Variants in RP1 observed in about 807,000 individuals in gnomAD.
RP1 encodes the protein oxygen-regulated protein 1.
In RP1, 16 loss-of-function variants were observed where a neutral mutation model predicts 14.8. The observed-to-expected ratio is 1.08, with a 90% confidence interval of 0.73 to 1.65. The LOEUF is 1.65. Ranked by LOEUF, RP1 falls within the 40% of genes most tolerant of loss-of-function variation. The probability of loss-of-function intolerance (pLI) is 0.00; values close to 1 mark genes in which losing one functional copy is unlikely to be tolerated. For missense variants in RP1, 2,631 were observed against 2,535.0 expected, an observed-to-expected ratio of 1.04 and a Z score of -0.81; for synonymous variants, 876 against 883.6, an observed-to-expected ratio of 0.99 and a Z score of 0.15.
In RP1 at chr8:54,627,944, T is replaced by C. The variant is rs768149034; in HGVS notation, c.4062T>C (p.Asp1354=). ...FLNSKENTYT[D]NLDSTEELER... is the part of the protein sequence containing the mutation. ...ACTCCAAAGAAAACACATATACTGA[T>C]AACTTGGATTCAACTGAAGAGTTAG... is the stretch of plus-strand genomic sequence containing the variant. The change falls in exon 4 of 4, where the codon GAT becomes GAC. Residue 1354 remains aspartate (D), a synonymous_variant. Coordinates refer to ENST00000220676, the MANE Select transcript of RP1 (RefSeq NM_006269.2). 2.2e-5 allele frequency: 36 copies of C among 1,614,084 alleles called. No individual in the cohort carries two copies. Among genetic ancestry groups the C allele is most frequent in the Non-Finnish European group, 3.1e-5 (36 of 1,179,972 alleles).
intron 24 of RP1, among the ~76,000 whole-genome samples, chr8:54,834,786 C>T (rs1338269462): frequency 6.6e-6 from 1 of 151,688 alleles, no homozygotes; most frequent in Non-Finnish European, 1.5e-5. Context: ...CATTCCTGCC[C>T]TGAGTTGAAA....
rs554528145 is a variant in RP1 at position 54,754,246 on chromosome 8, T to C, written c.2809-557T>C. Among the ~76,000 whole-genome samples the C allele has an allele frequency of 3.3e-5, 5 of 152,214 alleles. No individual in the cohort carries two copies. In the East Asian group the frequency reaches 9.7e-4, roughly 29 times the overall value. ...AGCCTACAGATGTTATAAATACACT[T>C]AAAAGGCATTCACTTTTTTTTTCAA... On this transcript the variant is annotated intron_variant, in intron 19 of 22. Coordinates refer to the RP1 transcript ENST00000636932.
chr8:54,751,817 T>C (rs1431326374), intron 19 of RP1, among the ~76,000 whole-genome samples: 1 of 152,252 alleles, frequency 6.6e-6, no homozygotes, highest in Non-Finnish European at 1.5e-5. Flanking sequence ...ACCTAGATTC[T>C]TTGTTTTTCT....
intron 1 of RP1, among the ~76,000 whole-genome samples, chr8:54,573,901 AC>A (rs1450838777): frequency 1.3e-5 from 2 of 152,196 alleles, no homozygotes; most frequent in African/African-American, 4.8e-5. Flanking sequence ...TTAATACTAA[AC>A]TCAGGAATCA....
Position 54,621,569 on chromosome 8 carries a change from G to A in RP1, c.603G>A (p.Thr201=). Residue 201 remains threonine (T), a synonymous_variant, in exon 2 of 4, where the codon ACG becomes ACA. Coordinates refer to ENST00000220676, the MANE Select transcript of RP1 (RefSeq NM_006269.2). The part of the protein sequence containing the change: ...MQRPVVKLYA[T]DGRRVPSLQA... ...GCCCTGTGGTCAAGCTGTACGCTAC[G>A]GACGGAAGGAGGGTGAGCGTTCTGG... 6.2e-7 allele frequency: 1 copy of A among 1,614,120 alleles called. No individual in the cohort carries two copies. Among genetic ancestry groups the A allele is most frequent in the Non-Finnish European group, 8.5e-7 (1 of 1,180,018 alleles).
chr8:54,701,407 G>C lies in RP1; in HGVS notation c.1822-79G>C, dbSNP rs374796754. On this transcript the variant is annotated intron_variant, in intron 13 of 22. Coordinates refer to the RP1 transcript ENST00000636932. ...TTTCCATAAAATGAAGTAGACACCT[G>C]TATATGTATATAATGTGATTACATT... is the stretch of plus-strand genomic sequence containing the variant. 1,087 of 1,227,132 alleles carry C rather than the reference G, an allele frequency of 8.9e-4. 5 individuals are homozygous for C. The African/African-American group carries it at 0.015, about 17-fold the overall frequency. The allele number at this position is 1,227,132 out of a possible 1,614,324, so 76.0% of individuals were successfully genotyped here. A position where few individuals can be genotyped will look rare whatever the true frequency, so the allele number is the denominator to read the frequency against.
rs561571603 is a variant in RP1 at position 54,764,529 on chromosome 8, A to G, written c.3249-5212A>G. On this transcript the variant is annotated intron_variant, in intron 22 of 22. Transcript: ENST00000636932. The stretch of plus-strand genomic sequence containing the variant: ...TTCACAAGGCGTGTGACATTAACTC[A>G]GCACTTACTACATTAAGTTATATGT... Among the ~76,000 whole-genome samples the G allele has an allele frequency of 2.0e-5, 3 of 152,348 alleles. No homozygotes were observed. The South Asian group carries it at 6.2e-4, about 32-fold the overall frequency.
At chr8:54,567,649 T>C (rs1804436681) in intron 1 of RP1, among the ~76,000 whole-genome samples, 2 of 152,148 alleles carry the variant, frequency 1.3e-5, no homozygotes, top group African/African-American at 4.8e-5. Flanking sequence ...AAATCACCCT[T>C]CTTTTGTGTG....
At chr8:54,718,417 A>G (rs903004636) in intron 15 of RP1, among the ~76,000 whole-genome samples, 3 of 152,194 alleles carry the variant, frequency 2.0e-5, no homozygotes, top group African/African-American at 7.2e-5. Context: ...ACCCACACAA[A>G]TACAGTGAAG....
At chr8:54,620,430 T>C (rs577091032) in intron 1 of RP1, among the ~76,000 whole-genome samples, 2 of 152,354 alleles carry the variant, frequency 1.3e-5, no homozygotes, top group East Asian at 1.9e-4. Context: ...GGGTGTGTAG[T>C]AGGCTATATC....
At chr8:54,855,222 G>A (rs1016858837) in intron 26 of RP1, among the ~76,000 whole-genome samples, 1 of 152,176 alleles carries the variant, frequency 6.6e-6, no homozygotes, top group Non-Finnish European at 1.5e-5. Context: ...GCATGTTGTA[G>A]CATGTGACAG....
chr8:54,687,502 T>C (rs901218177), intron 12 of RP1, among the ~76,000 whole-genome samples: 1 of 151,956 alleles, frequency 6.6e-6, no homozygotes, highest in African/African-American at 2.4e-5. Context: ...GATGTTCCCC[T>C]CCCTATGTCC....
At chr8:54,695,969 A>C (rs747946545) in intron 12 of RP1, among the ~76,000 whole-genome samples, 3 of 152,172 alleles carry the variant, frequency 2.0e-5, no homozygotes, top group Non-Finnish European at 4.4e-5. Flanking sequence ...TGGTCTATTG[A>C]ACTAATCTGT....
chr8:54,646,393 G>T (rs1489637700), intron 3 of RP1, among the ~76,000 whole-genome samples: 2 of 150,900 alleles, frequency 1.3e-5, no homozygotes, highest in East Asian at 3.9e-4. Flanking sequence ...ATTACATTAA[G>T]AATATTCTGA....
At chr8:54,661,308 T>TATATATATGAG (rs1486584656) in intron 6 of RP1, among the ~76,000 whole-genome samples, 3 of 147,278 alleles carry the variant, frequency 2.0e-5, no homozygotes, top group Admixed American at 6.8e-5. Flanking sequence ...ATATATGAGA[T>TATATATATGAG]ATATATATAT....
chr8:54,728,133 T>C (rs1278265789), intron 17 of RP1, among the ~76,000 whole-genome samples: 2 of 152,128 alleles, frequency 1.3e-5, no homozygotes, highest in Non-Finnish European at 2.9e-5. Flanking sequence ...CTTCTCTGAT[T>C]GCAGTGGGAG....
At chr8:54,863,221 A>G (rs1253360646) in intron 27 of RP1, among the ~76,000 whole-genome samples, 1 of 151,974 alleles carries the variant, frequency 6.6e-6, no homozygotes, top group Non-Finnish European at 1.5e-5. Flanking sequence ...GAAACACATT[A>G]CCTTTTCTAT....
At chr8:54,775,340 G>A (rs1055044935) in intron 23 of RP1, among the ~76,000 whole-genome samples, 4 of 152,192 alleles carry the variant, frequency 2.6e-5, no homozygotes, top group Admixed American at 6.5e-5. Context: ...ACTGTGTAAA[G>A]CAGAAATGAT....
At chr8:54,720,120 T>G in intron 15 of RP1, 4 of 1,503,968 alleles carry the variant, frequency 2.7e-6, no homozygotes, top group Non-Finnish European at 3.5e-6. Flanking sequence ...CATTTTGTAT[T>G]GATTGTAGGG....
Sources: gnomAD v4.1 joint callset for allele counts (sites outside exome capture counted in the v4.1 genomes callset) on GRCh38, gnomAD v4.1.1 for gene constraint, MANE v1.5 for transcripts, NCBI Gene and HGNC (gene_info 2026-07-23, HGNC 2026-07-21) for gene names.